The following MAPRE2 variants were observed in gnomAD, a reference collection of about 807,000 sequenced individuals.
The protein encoded by MAPRE2 is microtubule associated protein RP/EB family member 2, also known as microtubule-associated protein RP/EB family member 2.
In MAPRE2, 13 loss-of-function variants were observed where a neutral mutation model predicts 43.2. The ratio of observed to expected loss-of-function variants is 0.30; its 90% CI spans 0.20 to 0.48. The LOEUF (loss-of-function observed/expected upper bound fraction) is 0.48, where lower values mean the gene tolerates loss of function less well. MAPRE2 is among the 20% of genes least tolerant of loss of function. The pLI is 0.99. For synonymous variants in MAPRE2, 135 were observed against 148.8 expected (o/e 0.91, Z 0.68); for missense variants, 161 against 400.2 (o/e 0.40, Z 5.10).
At chr18:34,978,435 G>T in intron 1 of MAPRE2, 1 of 1,276,652 alleles carries the variant, frequency 7.8e-7, no homozygotes, top group Non-Finnish European at 1.1e-6. Context: ...TGTGCAGACC[G>T]GTTGCGATTG....
At chr18:35,103,433 G>T (rs1385580513) in intron 4 of MAPRE2, among the ~76,000 whole-genome samples, 1 of 152,114 alleles carries the variant, frequency 6.6e-6, no homozygotes, top group Non-Finnish European at 1.5e-5. Flanking sequence ...AACCAGATTT[G>T]GGAAGAAATC....
At chr18:34,990,625 G>C (rs1456905706) in intron 1 of MAPRE2, among the ~76,000 whole-genome samples, 1 of 152,098 alleles carries the variant, frequency 6.6e-6, no homozygotes, top group East Asian at 1.9e-4. Flanking sequence ...GCTACGTTCA[G>C]TGTAAACCAC....
At chr18:35,065,123 T>A (rs1009543072) in intron 1 of MAPRE2, among the ~76,000 whole-genome samples, 7 of 152,206 alleles carry the variant, frequency 4.6e-5, no homozygotes, top group Admixed American at 4.6e-4. Context: ...GGTGAAACCC[T>A]GTCTGTACTA....
At chr18:35,130,183 T>C (rs1040952886) in intron 5 of MAPRE2, among the ~76,000 whole-genome samples, 10 of 152,008 alleles carry the variant, frequency 6.6e-5, no homozygotes, top group African/African-American at 2.4e-4. Context: ...CTGCCACAGA[T>C]CCATCTGCTG....
intron 1 of MAPRE2, among the ~76,000 whole-genome samples, chr18:35,055,456 C>T (rs1165856923): frequency 6.6e-6 from 1 of 152,062 alleles, no homozygotes; most frequent in Non-Finnish European, 1.5e-5. Context: ...CTAATCATAT[C>T]TGCAAAGACC....
chr18:35,035,738 C>A (rs926493118), intron 2 of MAPRE2, among the ~76,000 whole-genome samples: 9 of 149,566 alleles, frequency 6.0e-5, no homozygotes, highest in African/African-American at 1.2e-4. Flanking sequence ...CTCCTATGGG[C>A]CCACTGAAAT....
intron 4 of MAPRE2, among the ~76,000 whole-genome samples, chr18:35,125,479 A>G (rs1325501384): frequency 6.6e-6 from 1 of 152,256 alleles, no homozygotes; most frequent in Admixed American, 6.5e-5. Flanking sequence ...TGTGCTACGC[A>G]CTGGGGTTAC....
intron 4 of MAPRE2, among the ~76,000 whole-genome samples, chr18:35,105,585 C>CTT (rs773485832): frequency 4.6e-5 from 7 of 152,000 alleles, no homozygotes; most frequent in Non-Finnish European, 8.8e-5. Context: ...AGAATAGGTG[C>CTT]TATAAAATGT....
At chr18:35,136,623 C>T (rs1041093598) in intron 6 of MAPRE2, among the ~76,000 whole-genome samples, 1 of 152,198 alleles carries the variant, frequency 6.6e-6, no homozygotes, top group African/African-American at 2.4e-5. Context: ...GGAGAAACTG[C>T]ATGAGCAAAG....
intron 1 of MAPRE2, among the ~76,000 whole-genome samples, chr18:35,053,367 C>T (rs1906050748): frequency 6.6e-6 from 1 of 151,760 alleles, no homozygotes; most frequent in Non-Finnish European, 1.5e-5. Flanking sequence ...GCACTCCAGG[C>T]TAGGCAACAG....
At chr18:35,077,156 A>G (rs1242796761) in intron 2 of MAPRE2, among the ~76,000 whole-genome samples, 4 of 152,344 alleles carry the variant, frequency 2.6e-5, no homozygotes, top group Middle Eastern at 3.4e-3. Flanking sequence ...TAAGTGAATC[A>G]GTGACATATT....
At chr18:35,079,529 A>G (rs957609855) in intron 2 of MAPRE2, among the ~76,000 whole-genome samples, 3 of 152,094 alleles carry the variant, frequency 2.0e-5, no homozygotes, top group African/African-American at 4.8e-5. Flanking sequence ...CTTCATTCCC[A>G]TGTCTGGTTT....
At chr18:35,125,998 C>A (rs1040495521) in intron 4 of MAPRE2, among the ~76,000 whole-genome samples, 10 of 152,140 alleles carry the variant, frequency 6.6e-5, no homozygotes, top group Admixed American at 2.6e-4. Context: ...AATGACGAGC[C>A]CTTTGTGAAT....
At chr18:35,100,880 TAAAC>T (rs1415345511) in intron 3 of MAPRE2, among the ~76,000 whole-genome samples, 1 of 151,854 alleles carries the variant, frequency 6.6e-6, no homozygotes, top group Non-Finnish European at 1.5e-5. Context: ...TCTCTACTAA[TAAAC>T]AAAAATTAGC....
intron 1 of MAPRE2, among the ~76,000 whole-genome samples, chr18:35,066,219 AT>A (rs1262291922): frequency 6.6e-6 from 1 of 152,136 alleles, no homozygotes; most frequent in Non-Finnish European, 1.5e-5. Flanking sequence ...TGTTGATGTA[AT>A]TGGTAATATC....
chr18:35,110,002 T>G (rs185645407), intron 4 of MAPRE2, among the ~76,000 whole-genome samples: 2 of 152,120 alleles, frequency 1.3e-5, no homozygotes, highest in African/African-American at 2.4e-5. Flanking sequence ...TTGCACTAAT[T>G]TTTTAGGGGT....
intron 1 of MAPRE2, among the ~76,000 whole-genome samples, chr18:34,983,252 C>A (rs907968839): frequency 6.6e-6 from 1 of 152,102 alleles, no homozygotes; most frequent in Non-Finnish European, 1.5e-5. Flanking sequence ...TTTTCATATT[C>A]TTCTTGTGTA....
chr18:35,105,947 C>T (rs1375400307), intron 4 of MAPRE2, among the ~76,000 whole-genome samples: 1 of 152,030 alleles, frequency 6.6e-6, no homozygotes, highest in Non-Finnish European at 1.5e-5. Context: ...GTAATATTGA[C>T]CCTGATTTAT....
At position 35,128,686 on chromosome 18, in the gene MAPRE2, G is replaced by A. The variant is rs78516633; in HGVS notation, c.750+1599G>A. Among the ~76,000 whole-genome samples, 736 of 152,282 alleles carry A rather than the reference G, an allele frequency of 4.8e-3. 2 individuals carry two copies. The highest frequency in any genetic ancestry group is 0.013 in the South Asian group (64 of 4,820). On this transcript the variant is annotated intron_variant, in intron 5 of 6. Transcript: ENST00000300249. The stretch of plus-strand genomic sequence containing the variant: ...ATATCTGAGGGACATCCTGGAATCA[G>A]TTCCTCTCAGATACCAAGGCACAAC...
Sources: gnomAD v4.1 joint callset for allele counts (sites outside exome capture counted in the v4.1 genomes callset) on GRCh38, gnomAD v4.1.1 for gene constraint, MANE v1.5 for transcripts, NCBI Gene and HGNC (gene_info 2026-07-23, HGNC 2026-07-21) for gene names.